FAM178B: variants seen among roughly 807,000 people sequenced by gnomAD.
FAM178B encodes the protein protein FAM178B.
In FAM178B, 82 loss-of-function variants were observed where a neutral mutation model predicts 91.7. That is an observed-to-expected ratio of 0.89 (90% CI 0.75 to 1.07). FAM178B has a LOEUF of 1.07. Among genes scored for constraint, FAM178B ranks in the 50% least tolerant of loss-of-function variants. The pLI is 0.00. For missense variants in FAM178B, 769 were observed against 846.7 expected, an observed-to-expected ratio of 0.91 and a Z score of 1.14; for synonymous variants, 368 against 359.4, an observed-to-expected ratio of 1.02 and a Z score of -0.27.
chr2:96,954,457 C>T (rs2081970750), intron 6 of FAM178B, among the ~76,000 whole-genome samples: 1 of 152,380 alleles, frequency 6.6e-6, no homozygotes, highest in South Asian at 2.1e-4. Context: ...CTAAGCAGAG[C>T]TCTGACCAGC....
At chr2:96,929,952 A>G (rs1457107819) in intron 8 of FAM178B, among the ~76,000 whole-genome samples, 1 of 152,120 alleles carries the variant, frequency 6.6e-6, no homozygotes, top group African/African-American at 2.4e-5. Context: ...AGTGGCCCAC[A>G]CCTGTAATCC....
chr2:96,880,846 G>T (rs1052113690), intron 14 of FAM178B, among the ~76,000 whole-genome samples: 1 of 152,050 alleles, frequency 6.6e-6, no homozygotes, highest in African/African-American at 2.4e-5. Flanking sequence ...CGCCCGCCTC[G>T]GCCTCCCAAA....
At position 96,921,510 on chromosome 2, in the gene FAM178B, G is replaced by A. The variant is rs1240238010; in HGVS notation, c.1432C>T (p.Leu478Phe). Residue 478 changes from leucine (L) to phenylalanine (F), a missense_variant, in exon 11 of 17, where the codon CTC (leucine) becomes TTC (phenylalanine). By Grantham distance (22) the Leu-to-Phe change is conservative. Transcript: ENST00000490605. ...GGCCACTCCCGGATGTTCTCCAGGA[G>A]CAAGAGGAGAAGCTGCTGGAGGTCA... ...KVDLQQLLLL[L>F]LENIREWPGK... is the part of the protein sequence containing the mutation. 1 of 1,551,736 alleles carries A rather than the reference G, an allele frequency of 6.4e-7. No individual in the cohort carries two copies. The highest frequency in any genetic ancestry group is 8.7e-7 in the Non-Finnish European group (1 of 1,146,998).
At chr2:96,917,553 A>T (rs2081261865) in intron 12 of FAM178B, among the ~76,000 whole-genome samples, 1 of 152,188 alleles carries the variant, frequency 6.6e-6, no homozygotes, top group Non-Finnish European at 1.5e-5. Context: ...TCTTGAAAGG[A>T]TGAATTATTA....
intron 13 of FAM178B, among the ~76,000 whole-genome samples, chr2:96,896,176 G>A (rs2153368846): frequency 6.6e-6 from 1 of 152,330 alleles, no homozygotes; most frequent in African/African-American, 2.4e-5. Context: ...GCCCAGCCGG[G>A]ACCCTCCCTG....
At chr2:96,937,377 G>C (rs1292427204) in intron 8 of FAM178B, among the ~76,000 whole-genome samples, 1 of 152,132 alleles carries the variant, frequency 6.6e-6, no homozygotes, top group Non-Finnish European at 1.5e-5. Flanking sequence ...GAAAGCTGTG[G>C]CCCTGGCTCC....
chr2:96,912,106 T>C (rs1454837951), intron 12 of FAM178B, among the ~76,000 whole-genome samples: 1 of 152,054 alleles, frequency 6.6e-6, no homozygotes, highest in African/African-American at 2.4e-5. Context: ...AGGGAATTTA[T>C]GCGGGGAGAG....
intron 1 of FAM178B, among the ~76,000 whole-genome samples, chr2:96,985,419 C>T (rs2082410605): frequency 6.6e-6 from 1 of 152,216 alleles, no homozygotes; most frequent in Non-Finnish European, 1.5e-5. Flanking sequence ...TCCTGCAAAC[C>T]CCAGCCCCAG....
chr2:96,885,599 C>CT (rs2080498520), intron 14 of FAM178B, among the ~76,000 whole-genome samples: 1 of 152,216 alleles, frequency 6.6e-6, no homozygotes, highest in Non-Finnish European at 1.5e-5. Flanking sequence ...AGCGTCTCCC[C>CT]ATTCCTCCAT....
rs747697425 is a variant in FAM178B at position 96,947,821 on chromosome 2, G to T, written c.1075C>A (p.Pro359Thr). The T allele has an allele frequency of 8.5e-6, 13 of 1,536,818 alleles. No homozygotes were observed. The South Asian group carries it at 1.6e-4, about 18-fold the overall frequency. The change falls in exon 8 of 17, where the codon CCT (proline) becomes ACT (threonine). Residue 359 changes from proline to threonine, a missense_variant. Coordinates refer to ENST00000490605, the MANE Select transcript of FAM178B (RefSeq NM_001122646.3). ...DLIVDGIFLQ[P>T]DEDKHLWCPS... is the part of the protein sequence containing the mutation. Reference sequence around the variant, plus strand: ...CACCCTGCATCCCAGTACTGACCAGGCTGAAGGAAGATTCCATCCACAATG... The same window carrying T: ...CACCCTGCATCCCAGTACTGACCAGTCTGAAGGAAGATTCCATCCACAATG...
At chr2:96,942,892 T>C (rs533013194) in intron 8 of FAM178B, among the ~76,000 whole-genome samples, 13 of 152,280 alleles carry the variant, frequency 8.5e-5, no homozygotes, top group East Asian at 1.9e-4. Flanking sequence ...CAGAATTCAA[T>C]AGGGAAAGAA....
chr2:96,959,199 GAAAAA>G (rs57498168), intron 6 of FAM178B, among the ~76,000 whole-genome samples: 22 of 82,130 alleles, frequency 2.7e-4, no homozygotes, highest in African/African-American at 6.8e-4. Context: ...ACTCAGTTTT[GAAAAA>G]AAAAAAAAAA....
Position 96,970,811 on chromosome 2 carries a change from G to C in FAM178B, c.565-34C>G, listed in dbSNP as rs746247482. ...ACAGGACATGGGAATGAGGACGACAGAGAAGTACAAAGATAGAGGAGAAAA... is the reference window on the plus strand; with the variant it reads ...ACAGGACATGGGAATGAGGACGACACAGAAGTACAAAGATAGAGGAGAAAA... On this transcript the variant is annotated intron_variant, in intron 3 of 16. Transcript: ENST00000490605. 51 of 1,452,182 alleles carry C rather than the reference G, an allele frequency of 3.5e-5. 1 individual carries two copies. Among genetic ancestry groups the C allele is most frequent in the Middle Eastern group, 1.7e-4 (1 of 5,818 alleles). The allele number at this position is 1,452,182 out of a possible 1,614,324, so 90.0% of individuals were successfully genotyped here. A position where few individuals can be genotyped will look rare whatever the true frequency, so the allele number is the denominator to read the frequency against.
chr2:96,942,195 C>CA (rs747695143), intron 8 of FAM178B, among the ~76,000 whole-genome samples: 1 of 152,114 alleles, frequency 6.6e-6, no homozygotes, highest in Non-Finnish European at 1.5e-5. Context: ...ACATTGTTGA[C>CA]AGAAATTAAA....
intron 14 of FAM178B, 40 bp from the exon 15 acceptor site, chr2:96,878,533 A>G: frequency 6.3e-7 from 1 of 1,598,050 alleles, no homozygotes; most frequent in African/African-American, 1.3e-5. Flanking sequence ...CTCTAACTCC[A>G]CCCAGGGCAG....
intron 6 of FAM178B, among the ~76,000 whole-genome samples, chr2:96,958,832 G>C (rs1274641030): frequency 4.8e-5 from 7 of 146,246 alleles, no homozygotes; most frequent in African/African-American, 1.8e-4. Context: ...TCTAAAAATA[G>C]AGTCTTATGT....
chr2:96,929,443 C>T, intron 8 of FAM178B, 123 bp from the exon 9 acceptor site: 1 of 684,678 alleles, frequency 1.5e-6, no homozygotes, highest in Non-Finnish European at 2.6e-6. Context: ...TTCTCTGACA[C>T]CACAGGTGTT....
intron 12 of FAM178B, among the ~76,000 whole-genome samples, chr2:96,905,853 TATATA>T (rs1559064365): frequency 1.0e-3 from 26 of 25,696 alleles, no homozygotes; most frequent in African/African-American, 2.5e-3. Flanking sequence ...TATATATATA[TATATA>T]TATTTTTTTT....
chr2:96,877,946 G>T lies in FAM178B; in HGVS notation c.1951C>A (p.Leu651Met), dbSNP rs552281954. 5.3e-5 allele frequency: 85 copies of T among 1,613,914 alleles called. 2 individuals carry two copies. The Middle Eastern group carries it at 8.3e-4, about 16-fold the overall frequency. ...QAMHRTMLKD[L>M]ATQTYIRWQE... is the part of the protein sequence containing the mutation. ...CAACGGATGTAGGTCTGGGTAGCCA[G>T]GTCCTTGAGCATGGTGCGGTGCATG... is the stretch of plus-strand genomic sequence containing the variant. The change falls in exon 16 of 17, where the codon CTG becomes ATG. Residue 651 changes from leucine (L) to methionine (M), a missense_variant. Physicochemically the swap from Leu to Met is conservative, Grantham distance 15. Coordinates refer to ENST00000490605, the MANE Select transcript of FAM178B (RefSeq NM_001122646.3).
Sources: allele counts gnomAD v4.1 joint callset (sites outside exome capture counted in the v4.1 genomes callset), GRCh38; gene constraint gnomAD v4.1.1; transcripts MANE v1.5; gene names NCBI Gene and HGNC (gene_info 2026-07-23, HGNC 2026-07-21).